Variants in EXOC4 observed in about 807,000 individuals in gnomAD.
The protein encoded by EXOC4 is exocyst complex component 4, also known as SEC8-like 1.
A neutral mutation model predicts 107.2 loss-of-function variants in EXOC4; 71 were observed. The observed-to-expected ratio is 0.66, with a 90% CI of 0.55 to 0.81. The LOEUF (loss-of-function observed/expected upper bound fraction) is 0.81. Ranked by LOEUF, EXOC4 falls within the 30% of genes least tolerant of loss-of-function variation. The pLI, the probability that EXOC4 is intolerant of heterozygous loss-of-function variation, is 0.00. For synonymous variants in EXOC4, 456 were observed against 441.2 expected, an observed-to-expected ratio of 1.03 and a Z score of -0.42; for missense variants, 1,108 against 1,189.6, an observed-to-expected ratio of 0.93 and a Z score of 1.01.
intron 11 of EXOC4, among the ~76,000 whole-genome samples, chr7:133,871,971 T>G (rs1798760194): frequency 6.6e-6 from 1 of 152,204 alleles, no homozygotes; most frequent in Non-Finnish European, 1.5e-5. Flanking sequence ...CATCCAGCCC[T>G]TCCTTATGTG....
At chr7:133,445,932 A>G (rs1041952546) in intron 7 of EXOC4, among the ~76,000 whole-genome samples, 1 of 151,682 alleles carries the variant, frequency 6.6e-6, no homozygotes, top group African/African-American at 2.4e-5. Context: ...GGGAGACTCA[A>G]CTGAGCCCAG....
chr7:134,091,004 A>C, the EXOC4 span, among the ~76,000 whole-genome samples: 1 of 151,786 alleles, frequency 6.6e-6, no homozygotes, highest in Non-Finnish European at 1.5e-5. Context: ...GTCAGCCAAA[A>C]TTGGTGCAAG....
At chr7:133,616,588 C>G (rs1741468398) in intron 9 of EXOC4, among the ~76,000 whole-genome samples, 1 of 151,910 alleles carries the variant, frequency 6.6e-6, no homozygotes, top group African/African-American at 2.4e-5. Flanking sequence ...CATTTTTTTC[C>G]TTTGCATTGG....
At chr7:133,889,326 G>C (rs531611795) in intron 11 of EXOC4, among the ~76,000 whole-genome samples, 1 of 151,366 alleles carries the variant, frequency 6.6e-6, no homozygotes, top group African/African-American at 2.4e-5. Flanking sequence ...GAAGACCAGC[G>C]CTGTGTAAGA....
At chr7:133,300,569 G>T (rs1794620361) in intron 3 of EXOC4, among the ~76,000 whole-genome samples, 1 of 152,222 alleles carries the variant, frequency 6.6e-6, no homozygotes, top group South Asian at 2.1e-4. Context: ...TTACGTGGAT[G>T]CTGTTATTAG....
intron 7 of EXOC4, among the ~76,000 whole-genome samples, chr7:133,438,839 T>C (rs1048059206): frequency 6.6e-6 from 1 of 152,232 alleles, no homozygotes; most frequent in Non-Finnish European, 1.5e-5. Context: ...GCAGTGCTTA[T>C]AGTATGTTGA....
chr7:133,346,333 C>A (rs1037409907), intron 5 of EXOC4, among the ~76,000 whole-genome samples: 5 of 152,180 alleles, frequency 3.3e-5, no homozygotes, highest in Non-Finnish European at 5.9e-5. Flanking sequence ...CTTCTGTCTG[C>A]TTCTCCATCC....
chr7:133,575,071 A>G (rs1801100201), intron 9 of EXOC4, among the ~76,000 whole-genome samples: 2 of 152,318 alleles, frequency 1.3e-5, no homozygotes, highest in East Asian at 1.9e-4. Flanking sequence ...ATTCACAGCT[A>G]TGGAAGTTTT....
intron 9 of EXOC4, among the ~76,000 whole-genome samples, chr7:133,590,712 G>T (rs1165565113): frequency 6.6e-6 from 1 of 152,142 alleles, no homozygotes; most frequent in Admixed American, 6.5e-5. Flanking sequence ...CCTTTCCACT[G>T]CATCCTCTTT....
chr7:133,658,970 A>C, intron 10 of EXOC4, among the ~76,000 whole-genome samples: 1 of 141,992 alleles, frequency 7.0e-6, no homozygotes, highest in African/African-American at 2.7e-5. Context: ...ACCTTAGCCA[A>C]TCATTGATTT....
chr7:133,910,526 A>G (rs1339343166), intron 12 of EXOC4, among the ~76,000 whole-genome samples: 1 of 152,202 alleles, frequency 6.6e-6, no homozygotes, highest in Non-Finnish European at 1.5e-5. Flanking sequence ...GTATGGTGTC[A>G]AAGATGTTCT....
intron 7 of EXOC4, among the ~76,000 whole-genome samples, chr7:133,380,053 C>A (rs1436038692): frequency 6.6e-6 from 1 of 150,646 alleles, no homozygotes; most frequent in Non-Finnish European, 1.5e-5. Flanking sequence ...AACACTTGTT[C>A]ACAGGAAGGG....
intron 17 of EXOC4, among the ~76,000 whole-genome samples, chr7:134,019,993 C>G (rs1221261684): frequency 6.6e-6 from 1 of 152,048 alleles, no homozygotes; most frequent in Non-Finnish European, 1.5e-5. Flanking sequence ...GCTTGTGGGT[C>G]TTCTGCTGGC....
intron 11 of EXOC4, among the ~76,000 whole-genome samples, chr7:133,835,873 A>G (rs919107924): frequency 6.6e-6 from 1 of 152,194 alleles, no homozygotes; most frequent in Non-Finnish European, 1.5e-5. Context: ...ATCTAGGGAA[A>G]ACCAAGCTAA....
intron 9 of EXOC4, among the ~76,000 whole-genome samples, chr7:133,524,609 A>C (rs1208549755): frequency 1.3e-5 from 2 of 150,000 alleles, no homozygotes; most frequent in African/African-American, 4.9e-5. Flanking sequence ...TCTTGAATTG[A>C]TTTTTGTATA....
In EXOC4 at chr7:133,281,860, C is replaced by T. The variant is rs569174501; in HGVS notation, c.276+6689C>T. 1.6e-4 allele frequency among the ~76,000 whole-genome samples: 25 copies of T among 152,228 alleles called. 2 individuals carry two copies. The South Asian group carries it at 5.2e-3, about 32-fold the overall frequency. On this transcript the variant is annotated intron_variant, in intron 2 of 17. Transcript: ENST00000253861. ...AGGATTATAGGTACCCACCACCACA[C>T]CTGGCTAATATTTCTATTTTTTAGT...
At chr7:133,389,240 G>A (rs1166013798) in intron 7 of EXOC4, among the ~76,000 whole-genome samples, 1 of 152,078 alleles carries the variant, frequency 6.6e-6, no homozygotes, top group East Asian at 1.9e-4. Context: ...GATTTTGAAA[G>A]AAGGAATTTT....
At chr7:133,417,149 G>C (rs1797496304) in intron 7 of EXOC4, among the ~76,000 whole-genome samples, 1 of 152,136 alleles carries the variant, frequency 6.6e-6, no homozygotes, top group Admixed American at 6.5e-5. Context: ...AGATTTGGTG[G>C]CGACATGGCA....
chr7:133,704,035 A>G (rs146094604), intron 10 of EXOC4, among the ~76,000 whole-genome samples: 1 of 152,194 alleles, frequency 6.6e-6, no homozygotes, highest in East Asian at 1.9e-4. Context: ...TGCTTGTTTC[A>G]TCATCAGCAA....
Sources: gnomAD v4.1 joint callset for allele counts (sites outside exome capture counted in the v4.1 genomes callset) on GRCh38, gnomAD v4.1.1 for gene constraint, MANE v1.5 for transcripts, NCBI Gene and HGNC (gene_info 2026-07-23, HGNC 2026-07-21) for gene names.